Variants in ATP11B observed in about 807,000 individuals in gnomAD.
The protein encoded by ATP11B is phospholipid-transporting ATPase IF.
ATP11B carries 81 observed loss-of-function variants against 157.8 expected under a neutral mutation model. That is an observed-to-expected ratio of 0.51 (90% CI 0.43 to 0.62). The LOEUF is 0.62. ATP11B is among the 20% of genes least tolerant of loss of function. The pLI is 0.00. For missense variants in ATP11B, 1,165 were observed against 1,402.2 expected, an observed-to-expected ratio of 0.83 and a Z score of 2.70; for synonymous variants, 451 against 469.4, an observed-to-expected ratio of 0.96 and a Z score of 0.51.
chr3:182,916,396 G>T, intron 29 of ATP11B: 4 of 985,340 alleles, frequency 4.1e-6, no homozygotes, highest in Non-Finnish European at 4.8e-6. Context: ...TTATGTGACA[G>T]ATTTCTTTGG....
intron 1 of ATP11B, among the ~76,000 whole-genome samples, chr3:182,813,182 T>A (rs1716772164): frequency 6.6e-6 from 1 of 152,214 alleles, no homozygotes; most frequent in Non-Finnish European, 1.5e-5. Flanking sequence ...TGGACATGGG[T>A]GTAGAAATAT....
intron 13 of ATP11B, 74 bp downstream of exon 13, chr3:182,865,772 A>G: frequency 7.9e-7 from 1 of 1,273,712 alleles, no homozygotes; most frequent in Non-Finnish European, 1.1e-6. Context: ...GAGTTGCAGG[A>G]AAAAAAGTTT....
chr3:182,885,970 C>T lies in ATP11B; in HGVS notation c.2675C>T (p.Pro892Leu). The T allele has an allele frequency of 1.3e-6, 2 of 1,496,464 alleles. No individual in the cohort carries two copies. Among genetic ancestry groups the T allele is most frequent in the South Asian group, 1.4e-5 (1 of 69,682 alleles). The allele number at this position is 1,496,464 out of a possible 1,614,324, so 92.7% of individuals were successfully genotyped here. ...FFYKNVCFIT[P>L]QFLYQFYCLF... The stretch of plus-strand genomic sequence containing the variant: ...TTTCAGAATGTGTGCTTTATCACAC[C>T]CCAGTTTTTATATCAGTTCTACTGT... Residue 892 changes from proline to leucine, a missense_variant, in exon 23 of 30, where the codon CCC becomes CTC. Pro to Leu is a moderately conservative substitution (Grantham distance 98, BLOSUM62 -3). Coordinates refer to ENST00000323116, the MANE Select transcript of ATP11B (RefSeq NM_014616.3).
chr3:182,876,708 A>C (rs1353187928), intron 19 of ATP11B, among the ~76,000 whole-genome samples: 3 of 152,200 alleles, frequency 2.0e-5, no homozygotes, highest in Admixed American at 6.5e-5. Flanking sequence ...AGAGAGGGCA[A>C]ATCTCTGAAG....
chr3:182,914,363 TG>T (rs1725007415), intron 29 of ATP11B: 1 of 982,640 alleles, frequency 1.0e-6, no homozygotes, highest in South Asian at 4.7e-5. Context: ...AAAATTTTTT[TG>T]CTTTTTGTCT....
At chr3:182,873,708 C>G in intron 18 of ATP11B, 104 bp from the exon 19 acceptor site, 1 of 934,500 alleles carries the variant, frequency 1.1e-6, no homozygotes. Flanking sequence ...ATTCCTAGGT[C>G]AAGTCAAAGA....
intron 28 of ATP11B, among the ~76,000 whole-genome samples, chr3:182,899,543 A>C (rs1723806905): frequency 6.6e-6 from 1 of 152,202 alleles, no homozygotes; most frequent in Non-Finnish European, 1.5e-5. Context: ...GAATTTTTAA[A>C]ATTACATTAT....
chr3:182,844,936 G>T (rs1253307830), intron 8 of ATP11B, among the ~76,000 whole-genome samples: 1 of 149,656 alleles, frequency 6.7e-6, no homozygotes, highest in Non-Finnish European at 1.5e-5. Flanking sequence ...TCTTAAAGCA[G>T]GTATTTGTTG....
Position 182,898,605 on chromosome 3 carries a change from A to G in ATP11B, c.3153-2A>G. The G allele has an allele frequency of 1.3e-6, 2 of 1,581,890 alleles. No homozygotes were observed. Among genetic ancestry groups the G allele is most frequent in the Non-Finnish European group, 1.7e-6 (2 of 1,165,812 alleles). ...TATTAAGCACATTTTCTTTCTTTGC[A>G]GGCCATTTTTGGGCTCCCAGAATAT... On this transcript the variant is annotated splice_acceptor_variant, in intron 27 of 29. Transcript: ENST00000323116. LOFTEE classifies it high-confidence loss of function.
intron 2 of ATP11B, among the ~76,000 whole-genome samples, chr3:182,827,541 A>G (rs750269476): frequency 4.6e-5 from 7 of 151,696 alleles, no homozygotes; most frequent in African/African-American, 7.3e-5. Flanking sequence ...ATACTATCTT[A>G]CCTTTTAAAA....
At chr3:182,900,357 C>T (rs1156749232) in intron 28 of ATP11B, among the ~76,000 whole-genome samples, 2 of 152,132 alleles carry the variant, frequency 1.3e-5, no homozygotes, top group East Asian at 1.9e-4. Flanking sequence ...GTATGAAGTA[C>T]CTCACACTGA....
At chr3:182,909,034 A>C (rs986677738) in intron 28 of ATP11B, among the ~76,000 whole-genome samples, 2 of 152,254 alleles carry the variant, frequency 1.3e-5, no homozygotes, top group Admixed American at 1.3e-4. Flanking sequence ...AAACTTTAAA[A>C]AACAAAAACC....
chr3:182,895,238 A>G lies in ATP11B; in HGVS notation c.2983-1462A>G, dbSNP rs563271377. On this transcript the variant is annotated intron_variant, in intron 25 of 29. Transcript: ENST00000323116. ...TCATCGGTATTTCTGGGTCATTTCT[A>G]GAGATGATAAAAGCAGACAGCAGAC... Among the ~76,000 whole-genome samples the G allele has an allele frequency of 3.9e-5, 6 of 152,198 alleles. No individual in the cohort carries two copies. In the South Asian group the frequency reaches 1.2e-3, roughly 32 times the overall value.
chr3:182,915,206 C>G (rs1447009542), intron 29 of ATP11B: 30 of 985,188 alleles, frequency 3.0e-5, no homozygotes, highest in Non-Finnish European at 3.5e-5. Flanking sequence ...CTTAGCCATG[C>G]CTTTATGATA....
chr3:182,807,170 G>C (rs758745836), intron 1 of ATP11B, among the ~76,000 whole-genome samples: 2 of 152,114 alleles, frequency 1.3e-5, no homozygotes, highest in Non-Finnish European at 2.9e-5. Context: ...TTTTTCCAGG[G>C]AGTTTAGTAG....
chr3:182,910,505 A>G (rs1266123393), intron 28 of ATP11B, among the ~76,000 whole-genome samples: 3 of 152,138 alleles, frequency 2.0e-5, no homozygotes, highest in African/African-American at 7.2e-5. Flanking sequence ...CAGGAGGTTG[A>G]GACTGCAGTG....
At chr3:182,854,019 C>T (rs1311931170) in intron 10 of ATP11B, among the ~76,000 whole-genome samples, 2 of 152,046 alleles carry the variant, frequency 1.3e-5, no homozygotes, top group African/African-American at 4.8e-5. Flanking sequence ...AACCAAGTAA[C>T]AAGTCAATTC....
At chr3:182,830,855 T>C (rs1268302161) in intron 4 of ATP11B, among the ~76,000 whole-genome samples, 1 of 152,226 alleles carries the variant, frequency 6.6e-6, no homozygotes, top group East Asian at 1.9e-4. Context: ...AAAATGTGTG[T>C]ATATCAGTCG....
At chr3:182,803,236 G>GA (rs976874127) in intron 1 of ATP11B, among the ~76,000 whole-genome samples, 1 of 152,114 alleles carries the variant, frequency 6.6e-6, no homozygotes, top group Admixed American at 6.5e-5. Flanking sequence ...TGTCAGACTT[G>GA]AAAAAACGTA....
Sources: gnomAD v4.1 joint callset for allele counts (sites outside exome capture counted in the v4.1 genomes callset) on GRCh38, gnomAD v4.1.1 for gene constraint, MANE v1.5 for transcripts, NCBI Gene and HGNC (gene_info 2026-07-23, HGNC 2026-07-21) for gene names.